The following CCDC149 variants were observed in gnomAD, a reference collection of about 807,000 sequenced individuals.
CCDC149 encodes the protein coiled-coil domain containing 149.
In CCDC149, 45 loss-of-function variants were observed where a neutral mutation model predicts 59.9. The ratio of observed to expected loss-of-function variants is 0.75; its 90% confidence interval spans 0.59 to 0.96. The LOEUF (loss-of-function observed/expected upper bound fraction) is 0.96, where lower values mean the gene tolerates loss of function less well. Ranked by LOEUF, CCDC149 falls within the 40% of genes least tolerant of loss-of-function variation. CCDC149 has a pLI of 0.00. For synonymous variants in CCDC149, 245 were observed against 260.6 expected, an observed-to-expected ratio of 0.94 and a Z score of 0.58; for missense variants, 584 against 664.7, an observed-to-expected ratio of 0.88 and a Z score of 1.33.
intron 1 of CCDC149, among the ~76,000 whole-genome samples, chr4:24,932,098 G>T (rs1722612448): frequency 6.6e-6 from 1 of 151,710 alleles, no homozygotes; most frequent in Non-Finnish European, 1.5e-5. Context: ...CACAGTGCTT[G>T]CTCTAAACTA....
intron 1 of CCDC149, among the ~76,000 whole-genome samples, chr4:24,898,665 C>A (rs566144914): frequency 1.9e-4 from 29 of 152,268 alleles, no homozygotes; most frequent in Admixed American, 3.3e-4. Flanking sequence ...GACCACCCAC[C>A]ATTCTGAGGA....
chr4:24,845,161 C>G (rs1026116604), intron 4 of CCDC149, among the ~76,000 whole-genome samples: 1 of 152,184 alleles, frequency 6.6e-6, no homozygotes, highest in Non-Finnish European at 1.5e-5. Flanking sequence ...ATAGAACTTT[C>G]TTTATTTAAT....
intron 2 of CCDC149, among the ~76,000 whole-genome samples, chr4:24,874,190 C>T (rs534090515): frequency 6.9e-6 from 1 of 144,952 alleles, no homozygotes; most frequent in South Asian, 2.2e-4. Context: ...TTGGGAGGGA[C>T]AGTATTTGCT....
chr4:24,849,762 C>T (rs925113530), intron 4 of CCDC149, among the ~76,000 whole-genome samples: 1 of 152,352 alleles, frequency 6.6e-6, no homozygotes, highest in African/African-American at 2.4e-5. Context: ...TAAGGGTCAT[C>T]AGTTAAAATG....
intron 1 of CCDC149, among the ~76,000 whole-genome samples, chr4:24,905,060 C>T (rs1176068143): frequency 6.6e-6 from 1 of 151,934 alleles, no homozygotes; most frequent in East Asian, 1.9e-4. Flanking sequence ...CACCACCATG[C>T]CTGCCTAATT....
intron 12 of CCDC149, among the ~76,000 whole-genome samples, chr4:24,818,449 A>C (rs1715154622): frequency 2.0e-5 from 3 of 152,194 alleles, no homozygotes; most frequent in African/African-American, 7.2e-5. Context: ...AGAAGATGGA[A>C]ATATGGATGT....
Position 24,825,544 on chromosome 4 carries a change from C to T in CCDC149, c.966-2971G>A, listed in dbSNP as rs112042302. ...ATCCCAGCACTTTGGGAGGACGAGG[C>T]AGGCGGATCACGAGGTCAGGAGATC... On this transcript the variant is annotated intron_variant, in intron 9 of 12. Transcript: ENST00000635206. Among the ~76,000 whole-genome samples, 1,313 of 152,162 alleles carry T rather than the reference C, an allele frequency of 8.6e-3. 19 individuals are homozygous for T. The highest frequency in any genetic ancestry group is 0.03 in the African/African-American group (1,252 of 41,538).
chr4:24,848,774 A>G (rs1328992522), intron 4 of CCDC149, among the ~76,000 whole-genome samples: 2 of 152,160 alleles, frequency 1.3e-5, no homozygotes, highest in Non-Finnish European at 2.9e-5. Flanking sequence ...TATCCATGAA[A>G]TTGTCAAGAA....
Position 24,834,961 on chromosome 4 carries a change from CAG to C in CCDC149, c.805_806del (p.Leu269ValfsTer11). On this transcript the variant is annotated frameshift_variant, in exon 8 of 13. Transcript: ENST00000635206. LOFTEE classifies it high-confidence loss of function. ...ATGATATCCTACCTTGCTTTGCAGA[CAG>C]GACTCCTGTCAGAGCACTGCTGCTG... The C allele has an allele frequency of 6.2e-7, 1 of 1,613,490 alleles. No individual in the cohort carries two copies. The highest frequency in any genetic ancestry group is 8.5e-7 in the Non-Finnish European group (1 of 1,179,520).
intron 1 of CCDC149, among the ~76,000 whole-genome samples, chr4:24,960,724 G>A (rs1235422395): frequency 6.6e-6 from 1 of 152,156 alleles, no homozygotes; most frequent in Non-Finnish European, 1.5e-5. Context: ...AAATGTTTAA[G>A]CTTCGAATAA....
At chr4:24,867,914 C>T (rs927544430) in intron 3 of CCDC149, among the ~76,000 whole-genome samples, 1 of 152,216 alleles carries the variant, frequency 6.6e-6, no homozygotes, top group African/African-American at 2.4e-5. Flanking sequence ...GGCAATAATA[C>T]GCACATTGTG....
Position 24,808,752 on chromosome 4 carries a change from A to G in CCDC149, c.1260T>C (p.Asp420=). The G allele has an allele frequency of 6.4e-7, 1 of 1,552,000 alleles. No homozygotes were observed. Among genetic ancestry groups the G allele is most frequent in the Non-Finnish European group, 8.7e-7 (1 of 1,147,068 alleles). Reference sequence around the variant, plus strand: ...GGGAGTTGACAGCGGGCCTCCCAGCATCCTCAGGCGCTGTCAACGCCTCAG... The same window carrying G: ...GGGAGTTGACAGCGGGCCTCCCAGCGTCCTCAGGCGCTGTCAACGCCTCAG... Residue 420 remains aspartate, a synonymous_variant, in exon 13 of 13, where the codon GAT becomes GAC. Transcript: ENST00000635206.
chr4:24,914,411 A>G (rs543507943), upstream of CCDC149, among the ~76,000 whole-genome samples: 570 of 152,190 alleles, frequency 3.7e-3, 4 homozygotes, highest in African/African-American at 0.013. Flanking sequence ...AAAAGAAAAA[A>G]AAAGGCTTTT....
Position 24,836,524 on chromosome 4 carries a change from T to C in CCDC149, c.663-16A>G, listed in dbSNP as rs1002949098. 7.0e-6 allele frequency: 11 copies of C among 1,565,830 alleles called. No individual in the cohort carries two copies. The highest frequency in any genetic ancestry group is 9.7e-6 in the Non-Finnish European group (11 of 1,137,604). On this transcript the variant is annotated splice_polypyrimidine_tract_variant and intron_variant, in intron 6 of 12. Transcript: ENST00000635206. Reference sequence around the variant, plus strand: ...TTGAAGGTACCTGAAAAAGAATACATAAAACTAGGAGGTGTTTAAGGGCTA... The same window carrying C: ...TTGAAGGTACCTGAAAAAGAATACACAAAACTAGGAGGTGTTTAAGGGCTA...
chr4:24,836,909 A>G (rs960528043), intron 6 of CCDC149, among the ~76,000 whole-genome samples: 12 of 152,122 alleles, frequency 7.9e-5, no homozygotes, highest in Admixed American at 7.9e-4. Context: ...GAATTTCTCA[A>G]TTCATTTTCT....
At chr4:24,900,888 CA>C (rs1226697993) in intron 1 of CCDC149, among the ~76,000 whole-genome samples, 10 of 152,060 alleles carry the variant, frequency 6.6e-5, no homozygotes, top group Non-Finnish European at 1.5e-5. Flanking sequence ...GAATGCATGG[CA>C]GATCATTTTG....
chr4:24,895,165 C>A, intron 1 of CCDC149: 1 of 747,956 alleles, frequency 1.3e-6, no homozygotes. Flanking sequence ...TACTGGAAGT[C>A]AGAATAATGG....
At chr4:24,821,298 T>C (rs1715376394) in intron 10 of CCDC149, among the ~76,000 whole-genome samples, 1 of 151,842 alleles carries the variant, frequency 6.6e-6, no homozygotes, top group Non-Finnish European at 1.5e-5. Flanking sequence ...CGTTCATGCA[T>C]GGAAATGGCA....
chr4:24,968,095 G>A (rs1463368737), intron 1 of CCDC149, among the ~76,000 whole-genome samples: 1 of 152,190 alleles, frequency 6.6e-6, no homozygotes, highest in Non-Finnish European at 1.5e-5. Context: ...CAGCCAAACG[G>A]GCTATTCAAC....
Sources: gnomAD v4.1 joint callset for allele counts (sites outside exome capture counted in the v4.1 genomes callset) on GRCh38, gnomAD v4.1.1 for gene constraint, MANE v1.5 for transcripts, NCBI Gene and HGNC (gene_info 2026-07-23, HGNC 2026-07-21) for gene names.